ZCWPW2: variants seen among roughly 807,000 people sequenced by gnomAD.
The protein encoded by ZCWPW2 is zinc finger CW-type and PWWP domain containing 2.
Under a neutral mutation model 46.6 loss-of-function variants are expected in ZCWPW2, and 45 were observed. The ratio of observed to expected loss-of-function variants is 0.96; its 90% CI spans 0.76 to 1.24. The LOEUF (loss-of-function observed/expected upper bound fraction) is 1.24, where lower values mean the gene tolerates loss of function less well. ZCWPW2 is among the 50% of genes most tolerant of loss of function. The pLI, the probability that ZCWPW2 is intolerant of heterozygous loss-of-function variation, is 0.00. For synonymous variants in ZCWPW2, 152 were observed against 137.1 expected (o/e 1.11, Z -0.76); for missense variants, 429 against 403.9 (o/e 1.06, Z -0.53).
At chr3:28,355,439 G>A (rs1374628932) in intron 1 of ZCWPW2, among the ~76,000 whole-genome samples, 1 of 152,238 alleles carries the variant, frequency 6.6e-6, no homozygotes, top group African/African-American at 2.4e-5. Flanking sequence ...GTAATTTATA[G>A]ATTCAATGTC....
intron 3 of ZCWPW2, among the ~76,000 whole-genome samples, chr3:28,429,960 A>T (rs892073678): frequency 2.0e-5 from 3 of 152,324 alleles, no homozygotes; most frequent in African/African-American, 4.8e-5. Context: ...TGCTTCAAGG[A>T]CAGAGCCCTC....
intron 2 of ZCWPW2, 113 bp from the exon 3 acceptor site, chr3:28,412,943 G>A: frequency 2.7e-6 from 2 of 740,088 alleles, no homozygotes; most frequent in Non-Finnish European, 4.3e-6. Flanking sequence ...AGGATAGAGA[G>A]GGGGTGGGCA....
Position 28,524,632 on chromosome 3 carries a change from A to G in ZCWPW2, c.1015A>G (p.Ile339Val), listed in dbSNP as rs1485727216. ...GATAAAATTAAAAGCTGGAGAATGT[A>G]TTGAGGATATAACTAATAAATTTAA... The part of the protein sequence containing the change: ...DGIKLKAGEC[I>V]EDITNKFKEI... Residue 339 changes from isoleucine to valine, a missense_variant, in exon 10 of 10, where the codon ATT becomes GTT. Ile to Val is a conservative substitution (Grantham distance 29). Coordinates refer to ENST00000383768, the MANE Select transcript of ZCWPW2 (RefSeq NM_001040432.4). 1 of 1,603,772 alleles carries G rather than the reference A, an allele frequency of 6.2e-7. No homozygotes were observed. Among genetic ancestry groups the G allele is most frequent in the Non-Finnish European group, 8.5e-7 (1 of 1,173,744 alleles).
In ZCWPW2 at chr3:28,381,622, C is replaced by T. The variant is rs148642872; in HGVS notation, c.-133-8876C>T. Among the ~76,000 whole-genome samples, 23 of 152,076 alleles carry T rather than the reference C, an allele frequency of 1.5e-4. No homozygotes were observed. In the East Asian group the frequency reaches 4.3e-3, roughly 28 times the overall value. ...GTGACACAGTGAGACTATGTCTTTA[C>T]TAAAAATAAAATAAATTAGATGAGC... On this transcript the variant is annotated intron_variant, in intron 1 of 9. Coordinates refer to ENST00000383768, the MANE Select transcript of ZCWPW2 (RefSeq NM_001040432.4).
chr3:28,436,323 C>CTTTTTTT (rs71087698), intron 4 of ZCWPW2, among the ~76,000 whole-genome samples: 199 of 116,790 alleles, frequency 1.7e-3, no homozygotes, highest in Middle Eastern at 5.3e-3. Flanking sequence ...TCTTTTTTTT[C>CTTTTTTT]TTTTTTTTTT....
At chr3:28,421,175 G>A (rs1358636333) in intron 3 of ZCWPW2, among the ~76,000 whole-genome samples, 1 of 152,060 alleles carries the variant, frequency 6.6e-6, no homozygotes, top group Non-Finnish European at 1.5e-5. Flanking sequence ...GGGAGGGAAG[G>A]GTGCCTCAAT....
Position 28,462,379 on chromosome 3 carries a change from C to T in ZCWPW2, c.493-16435C>T, listed in dbSNP as rs780960725. Among the ~76,000 whole-genome samples, 5 of 152,144 alleles carry T rather than the reference C, an allele frequency of 3.3e-5. No individual in the cohort carries two copies. The South Asian group carries it at 8.3e-4, about 25-fold the overall frequency. On this transcript the variant is annotated intron_variant, in intron 4 of 9. Coordinates refer to ENST00000383768, the MANE Select transcript of ZCWPW2 (RefSeq NM_001040432.4). ...AAGAAGGTGTTGGGCTGCCTAACTTCGAGGGACTTGAACAAAAATAATATT... is the reference window on the plus strand; with the variant it reads ...AAGAAGGTGTTGGGCTGCCTAACTTTGAGGGACTTGAACAAAAATAATATT...
chr3:28,473,089 G>A (rs1559519154), intron 4 of ZCWPW2, among the ~76,000 whole-genome samples: 3 of 152,300 alleles, frequency 2.0e-5, no homozygotes, highest in East Asian at 3.9e-4. Context: ...ACAAATGCTG[G>A]TGAGGATGTA....
At chr3:28,460,307 GT>G (rs1698582599) in intron 4 of ZCWPW2, among the ~76,000 whole-genome samples, 1 of 150,730 alleles carries the variant, frequency 6.6e-6, no homozygotes, top group Admixed American at 6.6e-5. Flanking sequence ...GGCATGAAGA[GT>G]GGGGTACATA....
intron 4 of ZCWPW2, among the ~76,000 whole-genome samples, chr3:28,471,294 C>T (rs1699033052): frequency 6.6e-6 from 1 of 152,084 alleles, no homozygotes; most frequent in African/African-American, 2.4e-5. Context: ...CAGACAAACA[C>T]ACATCAAAAA....
chr3:28,497,738 T>G (rs1462338480), intron 6 of ZCWPW2, among the ~76,000 whole-genome samples: 4 of 152,114 alleles, frequency 2.6e-5, no homozygotes. Context: ...TATTCCTAAG[T>G]GCCTATTTTG....
At chr3:28,447,721 C>T in intron 4 of ZCWPW2, 1 of 569,678 alleles carries the variant, frequency 1.8e-6, no homozygotes, top group East Asian at 3.5e-5. Flanking sequence ...TAGAGGCACT[C>T]AGAATGGTCC....
chr3:28,473,841 A>T (rs1231850664), intron 4 of ZCWPW2, among the ~76,000 whole-genome samples: 1 of 152,200 alleles, frequency 6.6e-6, no homozygotes, highest in African/African-American at 2.4e-5. Flanking sequence ...GAACTCATGG[A>T]TATCAAGAGT....
chr3:28,522,151 CAT>C (rs1352910472), intron 9 of ZCWPW2, among the ~76,000 whole-genome samples: 1 of 152,086 alleles, frequency 6.6e-6, no homozygotes, highest in Non-Finnish European at 1.5e-5. Flanking sequence ...CATTAGGAGA[CAT>C]ACCTAATGTA....
At chr3:28,488,334 A>C (rs140186480) in intron 5 of ZCWPW2, among the ~76,000 whole-genome samples, 1 of 152,132 alleles carries the variant, frequency 6.6e-6, no homozygotes, top group Non-Finnish European at 1.5e-5. Context: ...CCACTTCTCC[A>C]AAGGATCTAA....
intron 2 of ZCWPW2, among the ~76,000 whole-genome samples, chr3:28,403,162 C>T (rs1294933928): frequency 6.6e-6 from 1 of 152,062 alleles, no homozygotes; most frequent in Non-Finnish European, 1.5e-5. Flanking sequence ...AAGACTTCTC[C>T]AGAAAGTTCC....
At chr3:28,484,387 A>G (rs754863578) in intron 5 of ZCWPW2, among the ~76,000 whole-genome samples, 2 of 152,164 alleles carry the variant, frequency 1.3e-5, no homozygotes, top group Non-Finnish European at 2.9e-5. Flanking sequence ...GATAGCATTC[A>G]CCAGTGAACC....
chr3:28,404,727 C>T (rs1288429106), intron 2 of ZCWPW2, among the ~76,000 whole-genome samples: 1 of 152,146 alleles, frequency 6.6e-6, no homozygotes, highest in East Asian at 1.9e-4. Context: ...ATGGCATTCA[C>T]AGTGACCTGG....
At chr3:28,481,506 G>T (rs1176093578) in intron 5 of ZCWPW2, among the ~76,000 whole-genome samples, 1 of 152,168 alleles carries the variant, frequency 6.6e-6, no homozygotes, top group Non-Finnish European at 1.5e-5. Context: ...GCCTCCCAAA[G>T]TGCTGGGATC....
Sources: gnomAD v4.1 joint callset for allele counts (sites outside exome capture counted in the v4.1 genomes callset) on GRCh38, gnomAD v4.1.1 for gene constraint, MANE v1.5 for transcripts, NCBI Gene and HGNC (gene_info 2026-07-23, HGNC 2026-07-21) for gene names.